The following ADGRB3 variants were observed in gnomAD, a reference collection of about 807,000 sequenced individuals.
The protein encoded by ADGRB3 is brain-specific angiogenesis inhibitor 3.
In ADGRB3, 37 loss-of-function variants were observed where a neutral mutation model predicts 193.4. That is an observed-to-expected ratio of 0.19 (90% CI 0.15 to 0.25). ADGRB3 has a LOEUF of 0.25. Ranked by LOEUF, ADGRB3 falls within the 10% of genes least tolerant of loss-of-function variation. The probability of loss-of-function intolerance (pLI) is 1.00; values close to 1 mark genes in which losing one functional copy is unlikely to be tolerated. For synonymous variants in ADGRB3, 690 were observed against 644.2 expected, an observed-to-expected ratio of 1.07 and a Z score of -1.08; for missense variants, 1,637 against 1,852.9, an observed-to-expected ratio of 0.88 and a Z score of 2.14.
chr6:68,766,133 C>T (rs996889484), intron 3 of ADGRB3, among the ~76,000 whole-genome samples: 2 of 151,904 alleles, frequency 1.3e-5, no homozygotes, highest in African/African-American at 4.8e-5. Context: ...TTGGCCACCT[C>T]AATTGTGGTT....
chr6:68,691,375 C>G (rs929475950), intron 3 of ADGRB3, among the ~76,000 whole-genome samples: 4 of 151,886 alleles, frequency 2.6e-5, no homozygotes, highest in African/African-American at 7.2e-5. Flanking sequence ...GGCATTTGGT[C>G]GATTGATAGA....
intron 17 of ADGRB3, among the ~76,000 whole-genome samples, chr6:69,169,098 C>T (rs1775204971): frequency 6.6e-6 from 1 of 151,872 alleles, no homozygotes; most frequent in Admixed American, 6.6e-5. Flanking sequence ...AAAGATAGTT[C>T]CTCTATAGCC....
intron 20 of ADGRB3, among the ~76,000 whole-genome samples, chr6:69,309,924 T>C (rs910579456): frequency 6.6e-6 from 1 of 151,594 alleles, no homozygotes; most frequent in African/African-American, 2.4e-5. Context: ...ATTATAGCTC[T>C]CCAGAGAAGA....
chr6:69,328,521 C>T (rs1768633637), intron 22 of ADGRB3, among the ~76,000 whole-genome samples: 1 of 152,076 alleles, frequency 6.6e-6, no homozygotes, highest in Admixed American at 6.5e-5. Flanking sequence ...ATTTTATCTG[C>T]ATCCAAGTTG....
chr6:69,004,945 G>T (rs1372326920), intron 11 of ADGRB3, among the ~76,000 whole-genome samples: 12 of 152,068 alleles, frequency 7.9e-5, no homozygotes, highest in Admixed American at 7.9e-4. Context: ...TCTTGTAAGG[G>T]TCTAAACTTG....
intron 17 of ADGRB3, among the ~76,000 whole-genome samples, chr6:69,173,515 CTAAA>C (rs1348044325): frequency 6.6e-6 from 1 of 152,012 alleles, no homozygotes; most frequent in African/African-American, 2.4e-5. Flanking sequence ...TTGCAGTAGT[CTAAA>C]TGAGAAAGAA....
chr6:68,650,846 GA>G (rs1300503991), intron 3 of ADGRB3, among the ~76,000 whole-genome samples: 6 of 151,602 alleles, frequency 4.0e-5, no homozygotes, highest in East Asian at 1.9e-4. Context: ...AGAAGTAACT[GA>G]AAAAAAATTA....
chr6:69,357,567 G>A (rs1164971275), intron 28 of ADGRB3, among the ~76,000 whole-genome samples: 2 of 151,858 alleles, frequency 1.3e-5, no homozygotes, highest in Non-Finnish European at 2.9e-5. Context: ...ACTGCCAGCA[G>A]ACCTCCTCTA....
chr6:68,942,259 G>A (rs1767662952), intron 5 of ADGRB3, among the ~76,000 whole-genome samples: 1 of 152,068 alleles, frequency 6.6e-6, no homozygotes, highest in Non-Finnish European at 1.5e-5. Flanking sequence ...AATTCTAGAT[G>A]TATTATATTT....
chr6:69,293,567 T>C (rs138549637), intron 20 of ADGRB3, among the ~76,000 whole-genome samples: 217 of 152,280 alleles, frequency 1.4e-3, no homozygotes, highest in Non-Finnish European at 2.7e-3. Context: ...TTGTGGCCCA[T>C]ACCTATTCAC....
chr6:69,017,823 A>G (rs1191116227), intron 12 of ADGRB3, among the ~76,000 whole-genome samples: 3 of 151,960 alleles, frequency 2.0e-5, no homozygotes, highest in African/African-American at 7.2e-5. Context: ...TGTGTTTTGT[A>G]TTTGTACATG....
intron 17 of ADGRB3, among the ~76,000 whole-genome samples, chr6:69,102,155 G>A (rs1248000255): frequency 6.9e-6 from 1 of 145,666 alleles, no homozygotes; most frequent in Non-Finnish European, 1.5e-5. Context: ...TCCAGCCTGG[G>A]CGACAGAGCG....
At chr6:68,928,417 G>C (rs1002873440) in intron 3 of ADGRB3, among the ~76,000 whole-genome samples, 53 of 152,068 alleles carry the variant, frequency 3.5e-4, no homozygotes, top group African/African-American at 1.3e-3. Context: ...TGTTGTCTTA[G>C]CTACTTGGGA....
chr6:69,220,512 C>G (rs1309417552), intron 17 of ADGRB3, among the ~76,000 whole-genome samples: 1 of 152,058 alleles, frequency 6.6e-6, no homozygotes, highest in Non-Finnish European at 1.5e-5. Flanking sequence ...TACAAGTGAA[C>G]TTTCCTAACA....
intron 3 of ADGRB3, among the ~76,000 whole-genome samples, chr6:68,833,791 A>G (rs545377989): frequency 8.8e-4 from 134 of 152,126 alleles, no homozygotes; most frequent in Non-Finnish European, 1.6e-3. Context: ...TATTACAGGC[A>G]AAACATTCAT....
intron 17 of ADGRB3, among the ~76,000 whole-genome samples, chr6:69,207,547 A>G (rs1212050035): frequency 6.6e-6 from 1 of 152,184 alleles, no homozygotes; most frequent in Non-Finnish European, 1.5e-5. Flanking sequence ...AAGGTGCCTG[A>G]ATTTTAGTGA....
At chr6:69,061,672 T>G (rs1305527462) in intron 15 of ADGRB3, among the ~76,000 whole-genome samples, 3 of 123,888 alleles carry the variant, frequency 2.4e-5, no homozygotes, top group African/African-American at 8.0e-5. Flanking sequence ...GATAAATACA[T>G]CAATAAATTG....
At chr6:69,016,428 C>T (rs765747022) in intron 12 of ADGRB3, among the ~76,000 whole-genome samples, 7 of 152,022 alleles carry the variant, frequency 4.6e-5, no homozygotes, top group South Asian at 2.1e-4. Flanking sequence ...TCAAGGTAAA[C>T]GGTAACTAGT....
At chr6:69,022,228 T>A (rs999577630) in intron 13 of ADGRB3, among the ~76,000 whole-genome samples, 10 of 151,906 alleles carry the variant, frequency 6.6e-5, no homozygotes, top group African/African-American at 2.2e-4. Context: ...TTAAAAAAAA[T>A]TATATTTGAA....
Sources: allele counts gnomAD v4.1 joint callset (sites outside exome capture counted in the v4.1 genomes callset), GRCh38; gene constraint gnomAD v4.1.1; transcripts MANE v1.5; gene names NCBI Gene and HGNC (gene_info 2026-07-23, HGNC 2026-07-21).